Variants in TNS1 observed in about 807,000 individuals in gnomAD.
The protein encoded by TNS1 is tensin 1, also known as tensin-1.
A neutral mutation model predicts 168.6 loss-of-function variants in TNS1; 62 were observed. That is an observed-to-expected ratio of 0.37 (90% CI 0.30 to 0.45). TNS1 has a LOEUF of 0.45. Ranked by LOEUF, TNS1 falls within the 20% of genes least tolerant of loss-of-function variation. The pLI is 1.00. For synonymous variants in TNS1, 934 were observed against 933.2 expected (o/e 1.00, Z -0.02); for missense variants, 2,240 against 2,339.4 (o/e 0.96, Z 0.88).
intron 3 of TNS1, among the ~76,000 whole-genome samples, chr2:217,925,213 A>AAT (rs146833267): frequency 0.012 from 1,823 of 152,294 alleles, 43 homozygotes; most frequent in African/African-American, 0.041. Context: ...AATGTAAATA[A>AAT]ATCTTTTTTT....
At chr2:217,984,846 C>A (rs1413181555) in intron 2 of TNS1, among the ~76,000 whole-genome samples, 1 of 151,638 alleles carries the variant, frequency 6.6e-6, no homozygotes, top group East Asian at 1.9e-4. Flanking sequence ...ACCTCCACCT[C>A]CCGGGTTCAA....
Position 217,880,700 on chromosome 2 carries a change from T to C in TNS1, c.1429+198A>G, listed in dbSNP as rs1306862612. Among the ~76,000 whole-genome samples, 1 of 152,134 alleles carries C rather than the reference T, an allele frequency of 6.6e-6. No homozygotes were observed. Among genetic ancestry groups the C allele is most frequent in the Non-Finnish European group, 1.5e-5 (1 of 68,030 alleles). ...CATTTTGCTGCCTTCTTTGGCTCTG[T>C]CCTCACTTTTATTTAATACATTCAT... On this transcript the variant is annotated intron_variant, in intron 18 of 32. Transcript: ENST00000682258. This position sits in a 1 kb window ranked among gnomAD's most constrained non-coding sequence, Gnocchi z 4.2.
intron 18 of TNS1, among the ~76,000 whole-genome samples, chr2:217,861,238 G>A (rs770430787): frequency 3.3e-5 from 5 of 152,154 alleles, no homozygotes; most frequent in Admixed American, 6.5e-5. Flanking sequence ...TACAGTGCCC[G>A]ATGGAGTGGG....
Position 217,813,216 on chromosome 2 carries a change from G to A in TNS1, c.4953C>T (p.Phe1651=), listed in dbSNP as rs141774958. Residue 1651 remains phenylalanine, a splice_region_variant and synonymous_variant, in exon 27 of 33, where the codon TTC becomes TTT. Transcript: ENST00000682258. This position sits in a 1 kb window ranked among gnomAD's most constrained non-coding sequence, Gnocchi z 4.0. ...KLKGCPNEPN[F]GSLSALVYQH... is the part of the protein sequence containing the mutation. ...GATGGGGGCAGGGGGACAGCTCACC[G>A]AAGTTTGGCTCATTGGGGCAGCCCT... is the stretch of plus-strand genomic sequence containing the variant. The A allele has an allele frequency of 1.4e-5, 22 of 1,600,818 alleles. 1 individual carries two copies. The highest frequency in any genetic ancestry group is 3.3e-4 in the Middle Eastern group (2 of 5,976).
intron 3 of TNS1, among the ~76,000 whole-genome samples, chr2:217,922,168 C>G (rs74467849): frequency 6.6e-6 from 1 of 152,064 alleles, no homozygotes; most frequent in African/African-American, 2.4e-5. Context: ...ACAGACTGGG[C>G]GGGAAGGGGA....
intron 22 of TNS1, among the ~76,000 whole-genome samples, chr2:217,824,854 G>A (rs979031972): frequency 6.6e-6 from 1 of 152,124 alleles, no homozygotes; most frequent in Non-Finnish European, 1.5e-5. Context: ...CCCAGCCAGG[G>A]AGAGAAAGCC....
At chr2:218,011,103 G>C (rs375485203), upstream of TNS1, among the ~76,000 whole-genome samples, 1 of 152,298 alleles carries the variant, frequency 6.6e-6, no homozygotes, top group South Asian at 2.1e-4. Context: ...AGCTGCAGCC[G>C]CCTGCTCTGG....
At chr2:217,895,647 T>A (rs767208597) in intron 8 of TNS1, among the ~76,000 whole-genome samples, 1 of 152,126 alleles carries the variant, frequency 6.6e-6, no homozygotes, top group Non-Finnish European at 1.5e-5. Context: ...CCATCCTGGG[T>A]GGGCCCAATC....
At chr2:217,965,506 G>A (rs1189437599) in intron 3 of TNS1, among the ~76,000 whole-genome samples, 8 of 152,158 alleles carry the variant, frequency 5.3e-5, no homozygotes, top group African/African-American at 1.9e-4. Context: ...CTCAGGAAGT[G>A]GGTAGTTCTA....
intron 3 of TNS1, among the ~76,000 whole-genome samples, chr2:217,938,233 C>T (rs1956728998): frequency 6.6e-6 from 1 of 152,222 alleles, no homozygotes; most frequent in Non-Finnish European, 1.5e-5. Flanking sequence ...CACCCCCGAC[C>T]CAGAGCAACC....
chr2:217,816,590 G>C (rs941063680), intron 24 of TNS1, among the ~76,000 whole-genome samples: 2 of 152,174 alleles, frequency 1.3e-5, no homozygotes, highest in African/African-American at 2.4e-5. Context: ...CACTGCTGCC[G>C]TGGCCTGTTT....
chr2:217,905,495 C>G (rs1396101455), intron 6 of TNS1: 9 of 310,730 alleles, frequency 2.9e-5, no homozygotes, highest in South Asian at 2.2e-4. Flanking sequence ...CGCAGCACTC[C>G]CTCCAGGGCC....
intron 18 of TNS1, chr2:217,858,691 C>CACACACACACACAA (rs527557993): frequency 2.8e-5 from 6 of 211,608 alleles, no homozygotes; most frequent in African/African-American, 1.4e-4. Flanking sequence ...CACACACACA[C>CACACACACACACAA]ACACACACAC....
chr2:217,877,874 G>A (rs973540538), intron 18 of TNS1, among the ~76,000 whole-genome samples: 63 of 152,152 alleles, frequency 4.1e-4, no homozygotes, highest in African/African-American at 1.4e-3. Flanking sequence ...ATCTGCTGCT[G>A]ACTGCCTGGC....
At position 217,848,548 on chromosome 2, in the gene TNS1, C is replaced by A; in HGVS notation, c.1969G>T (p.Gly657Cys). 1 of 1,614,034 alleles carries A rather than the reference C, an allele frequency of 6.2e-7. No individual in the cohort carries two copies. Among genetic ancestry groups the A allele is most frequent in the South Asian group, 1.1e-5 (1 of 91,060 alleles). Residue 657 changes from glycine (G) to cysteine (C), a missense_variant, in exon 19 of 33, where the codon GGC becomes TGC. By Grantham distance (159) the Gly-to-Cys change is radical (BLOSUM62 -3). This residue lies in a region of TNS1 where 2,131 missense variants were observed against 2,171.2 expected (regional missense o/e 0.98). Transcript: ENST00000682258. The part of the protein sequence containing the change: ...LDGVTNTSEG[G>C]YPEALSPLTN... ...AGTGGGGACAGGGCCTCTGGGTAGC[C>A]CCCCTCACTGGTGTTGGTGACCCCG...
intron 19 of TNS1, among the ~76,000 whole-genome samples, chr2:217,847,159 C>T (rs957015432): frequency 2.0e-5 from 3 of 152,220 alleles, no homozygotes; most frequent in African/African-American, 4.8e-5. Context: ...CCTGACTGCC[C>T]TAGGTGGTAA....
At chr2:217,888,917 AG>A (rs768314947) in intron 12 of TNS1, among the ~76,000 whole-genome samples, 42 of 152,196 alleles carry the variant, frequency 2.8e-4, no homozygotes, top group Non-Finnish European at 5.3e-4. Context: ...CCTGGTCTTC[AG>A]GCCTTCACTA....
In TNS1 at chr2:217,800,097, T is replaced by C. The variant is rs1937254086; in HGVS notation, c.*4362A>G. On this transcript the variant is annotated 3_prime_UTR_variant, in exon 33 of 33. Coordinates refer to ENST00000682258, the MANE Select transcript of TNS1 (RefSeq NM_001387777.1). ...GATTTCTTACATTTGTTCTCAATGATGGGTCTGAAGGGAGGAGAGAAATGG... is the reference window on the plus strand; with the variant it reads ...GATTTCTTACATTTGTTCTCAATGACGGGTCTGAAGGGAGGAGAGAAATGG... The C allele has an allele frequency of 6.6e-6, 1 of 152,174 alleles. No individual in the cohort carries two copies. The highest frequency in any genetic ancestry group is 1.5e-5 in the Non-Finnish European group (1 of 68,044). The allele number at this position is 152,174 out of a possible 1,614,324, so 9.4% of individuals were successfully genotyped here. A position where few individuals can be genotyped will look rare whatever the true frequency, so the allele number is the denominator to read the frequency against.
At chr2:217,919,921 C>A (rs1442505416) in intron 4 of TNS1, among the ~76,000 whole-genome samples, 1 of 152,178 alleles carries the variant, frequency 6.6e-6, no homozygotes, top group Non-Finnish European at 1.5e-5. Flanking sequence ...AGGCACCTGG[C>A]CAGGCCTGGA....
Sources: allele counts gnomAD v4.1 joint callset (sites outside exome capture counted in the v4.1 genomes callset), GRCh38; gene constraint gnomAD v4.1.1; regional missense constraint gnomAD v4.1.1; non-coding constraint Gnocchi (gnomAD v3.1); transcripts MANE v1.5; gene names NCBI Gene and HGNC (gene_info 2026-07-23, HGNC 2026-07-21).